The following ATP8B4 variants were observed in gnomAD, a reference collection of about 807,000 sequenced individuals.
ATP8B4 encodes probable phospholipid-transporting ATPase IM.
ATP8B4 carries 133 observed loss-of-function variants against 145.6 expected under a neutral mutation model. That is an observed-to-expected ratio of 0.91 (90% confidence interval 0.79 to 1.05). The LOEUF (loss-of-function observed/expected upper bound fraction) is 1.05. Among genes scored for constraint, ATP8B4 ranks in the 50% least tolerant of loss-of-function variants. ATP8B4 has a pLI of 0.00. For synonymous variants in ATP8B4, 507 were observed against 492.9 expected (o/e 1.03, Z -0.38); for missense variants, 1,458 against 1,425.2 (o/e 1.02, Z -0.37).
intron 1 of ATP8B4, among the ~76,000 whole-genome samples, chr15:50,108,440 T>C (rs769265679): frequency 1.3e-5 from 2 of 152,138 alleles, no homozygotes; most frequent in Non-Finnish European, 2.9e-5. Flanking sequence ...ACATGACTCC[T>C]AGGACCTTCT....
At chr15:49,867,402 A>G (rs979611239) in intron 25 of ATP8B4, among the ~76,000 whole-genome samples, 1 of 152,176 alleles carries the variant, frequency 6.6e-6, no homozygotes, top group African/African-American at 2.4e-5. Context: ...ATGTTTCCCC[A>G]TTAAAATGAT....
At chr15:50,067,083 C>A (rs2053434954) in intron 3 of ATP8B4, among the ~76,000 whole-genome samples, 2 of 152,060 alleles carry the variant, frequency 1.3e-5, no homozygotes, top group Non-Finnish European at 2.9e-5. Context: ...TGAGTTTCCA[C>A]CCCATACCTC....
chr15:50,003,923 C>A (rs2048106333), intron 7 of ATP8B4, among the ~76,000 whole-genome samples: 1 of 152,126 alleles, frequency 6.6e-6, no homozygotes, highest in Non-Finnish European at 1.5e-5. Context: ...ATCTGGCGGT[C>A]AGATTCTCTC....
chr15:50,091,621 TTA>T (rs2055617177), intron 2 of ATP8B4, among the ~76,000 whole-genome samples: 1 of 152,132 alleles, frequency 6.6e-6, no homozygotes, highest in African/African-American at 2.4e-5. Context: ...TTACATTTGT[TTA>T]TGTGTCCTGA....
At chr15:50,091,270 A>G (rs1341188883) in intron 2 of ATP8B4, among the ~76,000 whole-genome samples, 2 of 152,220 alleles carry the variant, frequency 1.3e-5, no homozygotes, top group South Asian at 2.1e-4. Flanking sequence ...ACAGTGACAG[A>G]TAACATTCAT....
At chr15:49,866,587 C>T in intron 25 of ATP8B4, 103 bp from the exon 26 acceptor site, 1 of 1,426,080 alleles carries the variant, frequency 7.0e-7, no homozygotes, top group East Asian at 2.3e-5. Flanking sequence ...AGGAAGTTTG[C>T]ACCTGCCTAG....
At chr15:49,945,509 T>C (rs1263912451) in intron 14 of ATP8B4, among the ~76,000 whole-genome samples, 6 of 152,200 alleles carry the variant, frequency 3.9e-5, no homozygotes, top group Non-Finnish European at 1.5e-5. Flanking sequence ...AAACTCATTT[T>C]GAAGGCCAGT....
intron 5 of ATP8B4, among the ~76,000 whole-genome samples, chr15:50,041,269 C>G (rs2051263364): frequency 6.6e-6 from 1 of 152,212 alleles, no homozygotes; most frequent in Non-Finnish European, 1.5e-5. Flanking sequence ...GAAATTTCCT[C>G]TCTTAGAATT....
chr15:49,927,848 A>G (rs1218544803), intron 16 of ATP8B4, among the ~76,000 whole-genome samples: 1 of 152,114 alleles, frequency 6.6e-6, no homozygotes, highest in Non-Finnish European at 1.5e-5. Context: ...GGCACTGGTG[A>G]TGACTTCCCT....
chr15:50,172,159 G>C (rs956146781), intron 1 of ATP8B4, among the ~76,000 whole-genome samples: 1 of 152,004 alleles, frequency 6.6e-6, no homozygotes, highest in Admixed American at 6.6e-5. Flanking sequence ...TCCCACTCCC[G>C]CTCCCTCTTT....
chr15:49,860,101 A>T lies in ATP8B4; in HGVS notation c.*93T>A. On this transcript the variant is annotated 3_prime_UTR_variant, in exon 28 of 28. Coordinates refer to ENST00000284509, the MANE Select transcript of ATP8B4 (RefSeq NM_024837.4). ...TTAAGTGAGGCAATCTGCCTGCCCCACCTCTTGCCTCAAATCTCAAACTCT... is the reference window on the plus strand; with the variant it reads ...TTAAGTGAGGCAATCTGCCTGCCCCTCCTCTTGCCTCAAATCTCAAACTCT... 6.9e-7 allele frequency: 1 copy of T among 1,441,442 alleles called. No individual in the cohort carries two copies. The highest frequency in any genetic ancestry group is 1.4e-5 in the South Asian group (1 of 73,076). 89.3% of individuals were successfully genotyped at this position (1,441,442 alleles called of 1,614,324 possible). A position where few individuals can be genotyped will look rare whatever the true frequency, so the allele number is the denominator to read the frequency against.
intron 25 of ATP8B4, among the ~76,000 whole-genome samples, chr15:49,873,106 C>A (rs1187605123): frequency 6.6e-6 from 1 of 152,130 alleles, no homozygotes. Context: ...AAAAGGTTAT[C>A]CATTTTTTAA....
At chr15:50,180,856 T>TA (rs952517140) in intron 1 of ATP8B4, among the ~76,000 whole-genome samples, 5 of 150,972 alleles carry the variant, frequency 3.3e-5, no homozygotes, top group Admixed American at 1.3e-4. Flanking sequence ...AAAAGGAGGC[T>TA]AAAAAACGGC....
At chr15:49,889,836 C>T (rs903100573) in intron 23 of ATP8B4, among the ~76,000 whole-genome samples, 7 of 152,202 alleles carry the variant, frequency 4.6e-5, no homozygotes, top group Admixed American at 2.0e-4. Flanking sequence ...TCTTAAAAAA[C>T]ACAATCTGTT....
intron 1 of ATP8B4, among the ~76,000 whole-genome samples, chr15:50,125,802 T>C (rs544550702): frequency 6.6e-6 from 1 of 152,354 alleles, no homozygotes; most frequent in South Asian, 2.1e-4. Flanking sequence ...TTATTTTTAA[T>C]GTAAATTCTT....
chr15:49,978,739 TACACACACACACAC>T lies in ATP8B4; in HGVS notation c.1034+864_1034+877del, dbSNP rs60436585. On this transcript the variant is annotated intron_variant, in intron 12 of 27. Transcript: ENST00000284509. Reference sequence around the variant, plus strand: ...GGGCCAATTTCTAAGCTTTATCAAATACACACACACACACACACACACACACACACACACACACA... The same window carrying T: ...GGGCCAATTTCTAAGCTTTATCAAATACACACACACACACACACACACACA... Among the ~76,000 whole-genome samples the T allele has an allele frequency of 5.4e-3, 668 of 122,852 alleles. 10 individuals are homozygous for T. Among genetic ancestry groups the T allele is most frequent in the African/African-American group, 0.019 (615 of 32,436 alleles). 80.6% of individuals were successfully genotyped at this position (122,852 alleles called of 152,430 possible). A position where few individuals can be genotyped will look rare whatever the true frequency, so the allele number is the denominator to read the frequency against.
At chr15:50,114,670 G>A (rs1008893226) in intron 1 of ATP8B4, among the ~76,000 whole-genome samples, 1 of 152,122 alleles carries the variant, frequency 6.6e-6, no homozygotes, top group Admixed American at 6.5e-5. Context: ...CTAAGCTCCA[G>A]TTTTCTCCTC....
At chr15:49,994,783 C>G (rs1406214547) in intron 9 of ATP8B4, among the ~76,000 whole-genome samples, 1 of 152,000 alleles carries the variant, frequency 6.6e-6, no homozygotes, top group Non-Finnish European at 1.5e-5. Flanking sequence ...TACATGGCCA[C>G]GATTCTTGAA....
At chr15:49,922,422 GA>G (rs1341886420) in intron 17 of ATP8B4, 5 of 444,782 alleles carry the variant, frequency 1.1e-5, no homozygotes, top group Admixed American at 2.5e-5. Flanking sequence ...AAGATTAAAA[GA>G]AAATCAATTC....
Sources: gnomAD v4.1 joint callset for allele counts (sites outside exome capture counted in the v4.1 genomes callset) on GRCh38, gnomAD v4.1.1 for gene constraint, MANE v1.5 for transcripts, NCBI Gene and HGNC (gene_info 2026-07-23, HGNC 2026-07-21) for gene names.